Variants in ZRANB3 observed in about 807,000 individuals in gnomAD.
The protein encoded by ZRANB3 is DNA annealing helicase and endonuclease ZRANB3.
Under a neutral mutation model 133.8 loss-of-function variants are expected in ZRANB3, and 125 were observed. The ratio of observed to expected loss-of-function variants is 0.93; its 90% CI spans 0.81 to 1.08. The LOEUF is 1.08. Ranked by LOEUF, ZRANB3 falls within the 50% of genes least tolerant of loss-of-function variation. The pLI is 0.00. For missense variants in ZRANB3, 1,229 were observed against 1,275.5 expected (o/e 0.96, Z 0.56); for synonymous variants, 387 against 432.7 (o/e 0.89, Z 1.31).
chr2:135,228,263 A>C (rs1694837282), intron 13 of ZRANB3: 1 of 308,184 alleles, frequency 3.2e-6, no homozygotes, highest in Admixed American at 4.7e-5. Flanking sequence ...TAAAATTAAC[A>C]AATAGGTAAA....
At chr2:135,489,985 C>A (rs1559033642) in intron 2 of ZRANB3, among the ~76,000 whole-genome samples, 1 of 151,944 alleles carries the variant, frequency 6.6e-6, no homozygotes, top group Non-Finnish European at 1.5e-5. Flanking sequence ...GAATATGGCA[C>A]GTCCAAGAAA....
intron 2 of ZRANB3, among the ~76,000 whole-genome samples, chr2:135,464,407 A>G (rs1326351489): frequency 6.6e-6 from 1 of 152,178 alleles, no homozygotes; most frequent in Non-Finnish European, 1.5e-5. Flanking sequence ...CTTAGGGTGG[A>G]AGTTGCAAAC....
intron 1 of ZRANB3, among the ~76,000 whole-genome samples, chr2:135,508,105 G>A (rs1693276511): frequency 1.3e-5 from 2 of 152,042 alleles, no homozygotes; most frequent in African/African-American, 4.8e-5. Flanking sequence ...ATTTTTATGA[G>A]GACTGACTCA....
chr2:135,496,233 C>T (rs187870277), intron 2 of ZRANB3, among the ~76,000 whole-genome samples: 7 of 150,940 alleles, frequency 4.6e-5, no homozygotes, highest in South Asian at 2.1e-4. Flanking sequence ...AAATACAAAA[C>T]ATTAGCCAGG....
At chr2:135,292,924 T>C (rs1681835972) in intron 8 of ZRANB3, among the ~76,000 whole-genome samples, 1 of 151,958 alleles carries the variant, frequency 6.6e-6, no homozygotes, top group African/African-American at 2.4e-5. Flanking sequence ...GCATTATTTC[T>C]GAGGGCTCTG....
chr2:135,411,999 G>C (rs1345842631), intron 2 of ZRANB3, among the ~76,000 whole-genome samples: 3 of 152,028 alleles, frequency 2.0e-5, no homozygotes, highest in Non-Finnish European at 4.4e-5. Context: ...ACACTTATTT[G>C]TTTATACGGT....
chr2:135,462,316 T>C (rs140211954), intron 2 of ZRANB3, among the ~76,000 whole-genome samples: 10 of 152,288 alleles, frequency 6.6e-5, no homozygotes, highest in Non-Finnish European at 1.3e-4. Context: ...AGGGGTCACT[T>C]TGAAAGCTTC....
At chr2:135,434,242 C>T (rs1008413919) in intron 2 of ZRANB3, among the ~76,000 whole-genome samples, 7 of 152,160 alleles carry the variant, frequency 4.6e-5, no homozygotes, top group South Asian at 4.1e-4. Context: ...TGAGGAAATA[C>T]GTTAGATGTC....
intron 2 of ZRANB3, among the ~76,000 whole-genome samples, chr2:135,429,583 C>G (rs1361808012): frequency 6.6e-6 from 1 of 151,828 alleles, no homozygotes. Context: ...TACATCTATA[C>G]CGAGAAGGTA....
At chr2:135,245,729 G>A (rs1356560676) in intron 12 of ZRANB3, among the ~76,000 whole-genome samples, 1 of 150,754 alleles carries the variant, frequency 6.6e-6, no homozygotes, top group Non-Finnish European at 1.5e-5. Flanking sequence ...GAGTTCGAGA[G>A]CAGCCTGACC....
intron 8 of ZRANB3, among the ~76,000 whole-genome samples, chr2:135,301,819 G>A (rs1228487683): frequency 6.6e-6 from 1 of 152,046 alleles, no homozygotes; most frequent in African/African-American, 2.4e-5. Context: ...ACACACTATT[G>A]TAGCTGAATA....
chr2:135,500,031 C>T (rs1385016894), intron 2 of ZRANB3, among the ~76,000 whole-genome samples: 1 of 152,066 alleles, frequency 6.6e-6, no homozygotes, highest in African/African-American at 2.4e-5. Context: ...AGGAAGAAAA[C>T]AGTAGCCTAC....
intron 2 of ZRANB3, among the ~76,000 whole-genome samples, chr2:135,417,264 G>T (rs968454807): frequency 3.3e-5 from 5 of 151,694 alleles, no homozygotes; most frequent in African/African-American, 9.7e-5. Flanking sequence ...AAATTTACAA[G>T]AAAAAAACAA....
At chr2:135,313,663 A>G in intron 7 of ZRANB3, 58 bp from the exon 8 acceptor site, 1 of 1,096,368 alleles carries the variant, frequency 9.1e-7, no homozygotes, top group East Asian at 2.5e-5. Context: ...GAACAAATTA[A>G]TGCAATCATG....
Position 135,237,055 on chromosome 2 carries a change from A to G in ZRANB3, c.1540-6128T>C, listed in dbSNP as rs531710731. Among the ~76,000 whole-genome samples, 452 of 152,336 alleles carry G rather than the reference A, an allele frequency of 3.0e-3. 2 individuals carry two copies. Among genetic ancestry groups the G allele is most frequent in the African/African-American group, 0.01 (428 of 41,564 alleles). On this transcript the variant is annotated intron_variant, in intron 12 of 20. Transcript: ENST00000264159. ...CAATCTACTCATCTGACAAAGGGCT[A>G]ATATCCAGAATCTACAATTAACTCA...
At chr2:135,223,420 G>A (rs1225454268) in intron 15 of ZRANB3, among the ~76,000 whole-genome samples, 1 of 150,998 alleles carries the variant, frequency 6.6e-6, no homozygotes, top group African/African-American at 2.4e-5. Flanking sequence ...CTGCCTCCCA[G>A]GTTCAAGCGA....
At chr2:135,308,956 T>C (rs1682837378) in intron 8 of ZRANB3, among the ~76,000 whole-genome samples, 1 of 151,618 alleles carries the variant, frequency 6.6e-6, no homozygotes. Flanking sequence ...AGAAAAGTCA[T>C]CTAAAAAAAC....
intron 3 of ZRANB3, among the ~76,000 whole-genome samples, chr2:135,353,846 G>A (rs1028499033): frequency 2.6e-5 from 4 of 151,680 alleles, no homozygotes; most frequent in Non-Finnish European, 4.4e-5. Flanking sequence ...ATAAAAAAAC[G>A]TACAAAAAAT....
chr2:135,494,317 AAAAAAAG>A (rs1275596130), intron 2 of ZRANB3, among the ~76,000 whole-genome samples: 2 of 151,622 alleles, frequency 1.3e-5, no homozygotes, highest in African/African-American at 4.8e-5. Flanking sequence ...CAAAAAAAAA[AAAAAAAG>A]AAAAGAAAAA....
Sources: gnomAD v4.1 joint callset for allele counts (sites outside exome capture counted in the v4.1 genomes callset) on GRCh38, gnomAD v4.1.1 for gene constraint, MANE v1.5 for transcripts, NCBI Gene and HGNC (gene_info 2026-07-23, HGNC 2026-07-21) for gene names.